PPP2R2D: variants seen among roughly 807,000 people sequenced by gnomAD.
PPP2R2D encodes the protein serine/threonine-protein phosphatase 2A 55 kDa regulatory subunit B delta isoform.
Under a neutral mutation model 31.1 loss-of-function variants are expected in PPP2R2D, and 9 were observed. The observed-to-expected ratio is 0.29, with a 90% confidence interval of 0.17 to 0.51. PPP2R2D has a LOEUF of 0.51. Among genes scored for constraint, PPP2R2D ranks in the 20% least tolerant of loss-of-function variants. PPP2R2D has a pLI of 0.98. For synonymous variants in PPP2R2D, 179 were observed against 172.6 expected (o/e 1.04, Z -0.29); for missense variants, 391 against 465.6 (o/e 0.84, Z 1.48).
At chr10:131,920,606 G>A (rs1376692476) in intron 2 of PPP2R2D, among the ~76,000 whole-genome samples, 2 of 152,166 alleles carry the variant, frequency 1.3e-5, no homozygotes, top group East Asian at 1.9e-4. Flanking sequence ...TGATGTAGGA[G>A]GTACGTTTCT....
At position 131,957,157 on chromosome 10, in the gene PPP2R2D, G is replaced by T; in HGVS notation, c.*1194G>T. On this transcript the variant is annotated 3_prime_UTR_variant, in exon 9 of 9. Transcript: ENST00000455566. ...CACTACGTGTCCCCGAGGGGAGTGG[G>T]GAGTCGGGCTCCCGTGCCCCTGTGG... 1 of 166,626 alleles carries T rather than the reference G, an allele frequency of 6.0e-6. No individual in the cohort carries two copies. Among genetic ancestry groups the T allele is most frequent in the Admixed American group, 6.2e-5 (1 of 16,252 alleles). The allele number at this position is 166,626 out of a possible 1,614,324, so 10.3% of individuals were successfully genotyped here. A position where few individuals can be genotyped will look rare whatever the true frequency, so the allele number is the denominator to read the frequency against.
At chr10:131,909,404 A>G (rs1413608963) in intron 2 of PPP2R2D, among the ~76,000 whole-genome samples, 2 of 145,552 alleles carry the variant, frequency 1.4e-5, no homozygotes, top group African/African-American at 2.4e-5. Flanking sequence ...AAGAATGGAG[A>G]TAGGAAGTTA....
intron 2 of PPP2R2D, 36 bp from the exon 3 acceptor site, chr10:131,934,422 C>A: frequency 1.3e-6 from 1 of 753,218 alleles, no homozygotes; most frequent in South Asian, 1.4e-5. Context: ...TCCCCAAAAC[C>A]GCATCCGGTA....
intron 8 of PPP2R2D, among the ~76,000 whole-genome samples, chr10:131,951,660 G>A (rs926896440): frequency 4.6e-5 from 7 of 151,960 alleles, no homozygotes; most frequent in African/African-American, 1.4e-4. Flanking sequence ...ATCTCTACTA[G>A]AAATACAAAA....
At position 131,944,182 on chromosome 10, in the gene PPP2R2D, G is replaced by C. The variant is rs11146256; in HGVS notation, c.655+37G>C. The C allele has an allele frequency of 5.3e-3, 8,339 of 1,558,826 alleles. 442 individuals are homozygous for C. In the East Asian group the frequency reaches 0.13, roughly 24 times the overall value. Reference sequence around the variant, plus strand: ...CAGAGGGACACTGGCGTCTTCCCGAGGGTGCTCTTTAGATAGTAATTTCTC... The same window carrying C: ...CAGAGGGACACTGGCGTCTTCCCGACGGTGCTCTTTAGATAGTAATTTCTC... On this transcript the variant is annotated intron_variant, in intron 6 of 8. Transcript: ENST00000455566.
Position 131,901,045 on chromosome 10 carries a change from CGCCGGCGGTGGT to C in PPP2R2D, c.-102_-91del, listed in dbSNP as rs1461945407. 1.5e-4 allele frequency: 24 copies of C among 160,940 alleles called. No homozygotes were observed. The highest frequency in any genetic ancestry group is 5.6e-4 in the African/African-American group (23 of 40,818). 10.0% of individuals were successfully genotyped at this position (160,940 alleles called of 1,614,324 possible). A position where few individuals can be genotyped will look rare whatever the true frequency, so the allele number is the denominator to read the frequency against. ...CCGGCGGCGGCGGCGGCGGCGGCGGCGCCGGCGGTGGTGGCGGCCCCGGGGCTGAGCGCTCGG... is the reference window on the plus strand; with the variant it reads ...CCGGCGGCGGCGGCGGCGGCGGCGGCGGCGGCCCCGGGGCTGAGCGCTCGG... On this transcript the variant is annotated 5_prime_UTR_variant, in exon 1 of 9. Coordinates refer to ENST00000455566, the MANE Select transcript of PPP2R2D (RefSeq NM_018461.5).
At chr10:131,936,275 A>G (rs1393866142) in intron 3 of PPP2R2D, among the ~76,000 whole-genome samples, 1 of 151,686 alleles carries the variant, frequency 6.6e-6, no homozygotes, top group African/African-American at 2.4e-5. Context: ...CAGCCTCCCA[A>G]GTCGCTGGGA....
At position 131,959,291 on chromosome 10, in the gene PPP2R2D, A is replaced by G. The variant is rs1268738331; in HGVS notation, c.*3328A>G. 1 of 149,406 alleles carries G rather than the reference A, an allele frequency of 6.7e-6. No homozygotes were observed. Among genetic ancestry groups the G allele is most frequent in the Non-Finnish European group, 1.4e-5 (1 of 71,436 alleles). 9.3% of individuals were successfully genotyped at this position (149,406 alleles called of 1,614,324 possible). ...GTGCTGATCCGCCGTCCCCCTGTGG[A>G]GATGAAGGCGTGTGCTGATCCGCCA... On this transcript the variant is annotated 3_prime_UTR_variant, in exon 9 of 9. Transcript: ENST00000455566.
At chr10:131,923,267 CCCAGCGTGATG>C (rs1170508432) in intron 2 of PPP2R2D, among the ~76,000 whole-genome samples, 2 of 152,192 alleles carry the variant, frequency 1.3e-5, no homozygotes, top group Non-Finnish European at 2.9e-5. Flanking sequence ...GCTGCTTCTC[CCCAGCGTGATG>C]CCGGTCAAGG....
intron 2 of PPP2R2D, among the ~76,000 whole-genome samples, chr10:131,927,281 C>G (rs950708506): frequency 6.6e-6 from 1 of 151,912 alleles, no homozygotes; most frequent in Non-Finnish European, 1.5e-5. Flanking sequence ...GAGAAACTCT[C>G]CCCCCGGGGA....
intron 2 of PPP2R2D, among the ~76,000 whole-genome samples, chr10:131,917,636 G>C (rs1554893421): frequency 1.6e-5 from 2 of 126,242 alleles, no homozygotes; most frequent in Non-Finnish European, 3.3e-5. Context: ...AGGGACCTCA[G>C]GCGGGTGGAA....
intron 8 of PPP2R2D, among the ~76,000 whole-genome samples, chr10:131,953,567 G>T (rs376663596): frequency 7.0e-6 from 1 of 142,012 alleles, no homozygotes; most frequent in African/African-American, 2.7e-5. Flanking sequence ...TGTGTGTGTG[G>T]GGGTCACTGT....
At chr10:131,943,946 T>A (rs1554897541) in intron 5 of PPP2R2D, 22 bp from the exon 6 acceptor site, 1 of 797,136 alleles carries the variant, frequency 1.3e-6, no homozygotes, top group South Asian at 1.4e-5. Context: ...TGTTTTGAAT[T>A]CCTATTTCCT....
At chr10:131,932,137 G>T (rs536426882) in intron 2 of PPP2R2D, among the ~76,000 whole-genome samples, 4 of 152,310 alleles carry the variant, frequency 2.6e-5, no homozygotes, top group African/African-American at 7.2e-5. Context: ...GGTGGCTGCG[G>T]ACACTTTGCG....
chr10:131,923,525 A>G (rs1020031317), intron 2 of PPP2R2D, among the ~76,000 whole-genome samples: 4 of 152,202 alleles, frequency 2.6e-5, no homozygotes, highest in Non-Finnish European at 2.9e-5. Context: ...ACTGCCAAAC[A>G]GTTTCCCAAG....
chr10:131,947,059 G>T lies in PPP2R2D; in HGVS notation c.821-471G>T, dbSNP rs148764211. ...AGGCAGTTTCTTAGAGGCACAGACC[G>T]CTGTGTCTGCATGACCATATAATGC... On this transcript the variant is annotated intron_variant, in intron 7 of 8. Coordinates refer to ENST00000455566, the MANE Select transcript of PPP2R2D (RefSeq NM_018461.5). The surrounding 1 kb of genome is among the most constrained non-coding windows in gnomAD (Gnocchi z 4.3). Among the ~76,000 whole-genome samples, 19 of 152,276 alleles carry T rather than the reference G, an allele frequency of 1.2e-4. No homozygotes were observed. The East Asian group carries it at 3.7e-3, about 29-fold the overall frequency.
intron 2 of PPP2R2D, among the ~76,000 whole-genome samples, chr10:131,925,592 T>G (rs1554894807): frequency 1.3e-5 from 2 of 152,236 alleles, no homozygotes; most frequent in Non-Finnish European, 2.9e-5. Flanking sequence ...CCACAAACTT[T>G]TTTTTAGTGC....
At chr10:131,946,078 C>T (rs568830062) in intron 7 of PPP2R2D, among the ~76,000 whole-genome samples, 41 of 152,166 alleles carry the variant, frequency 2.7e-4, no homozygotes, top group South Asian at 8.3e-4. Context: ...TGCCTCTGTG[C>T]GTGAGACCTG....
At chr10:131,935,491 C>G (rs1311148620) in intron 3 of PPP2R2D, among the ~76,000 whole-genome samples, 2 of 150,848 alleles carry the variant, frequency 1.3e-5, no homozygotes, top group Non-Finnish European at 3.0e-5. Flanking sequence ...GGCCCTGCCC[C>G]CCAGGAAGGG....
Sources: gnomAD v4.1 joint callset for allele counts (sites outside exome capture counted in the v4.1 genomes callset) on GRCh38, gnomAD v4.1.1 for gene constraint, Gnocchi (gnomAD v3.1) non-coding constraint, MANE v1.5 for transcripts, NCBI Gene and HGNC (gene_info 2026-07-23, HGNC 2026-07-21) for gene names.